Variants in MARCHF6 observed in about 807,000 individuals in gnomAD.
The protein encoded by MARCHF6 is E3 ubiquitin-protein ligase MARCHF6.
Under a neutral mutation model 133.7 loss-of-function variants are expected in MARCHF6, and 31 were observed. The ratio of observed to expected loss-of-function variants is 0.23; its 90% CI spans 0.17 to 0.31. The LOEUF (loss-of-function observed/expected upper bound fraction) is 0.31. Ranked by LOEUF, MARCHF6 falls within the 10% of genes least tolerant of loss-of-function variation. MARCHF6 has a pLI of 1.00. For missense variants in MARCHF6, 723 were observed against 1,121.6 expected (o/e 0.64, Z 5.08); for synonymous variants, 395 against 402.5 (o/e 0.98, Z 0.22).
intron 5 of MARCHF6, among the ~76,000 whole-genome samples, chr5:10,389,234 C>T (rs1023952158): frequency 1.3e-5 from 2 of 152,014 alleles, no homozygotes; most frequent in Admixed American, 6.6e-5. Context: ...AAAGATAAGC[C>T]TCTTAAGAAA....
At chr5:10,408,566 T>G (rs1189476726) in intron 17 of MARCHF6, among the ~76,000 whole-genome samples, 3 of 152,172 alleles carry the variant, frequency 2.0e-5, no homozygotes, top group African/African-American at 4.8e-5. Flanking sequence ...TGAGAAAGAG[T>G]CTCGCTCTGT....
Position 10,353,934 on chromosome 5 carries a change from C to T in MARCHF6, c.19+17C>T. On this transcript the variant is annotated intron_variant, in intron 1 of 25. Coordinates refer to ENST00000274140, the MANE Select transcript of MARCHF6 (RefSeq NM_005885.4). Reference sequence around the variant, plus strand: ...CGGAGGAAGGTAAGTCGGCGACGCGCGGCGCCCGAGCCCTTGCGTCGGCGC... The same window carrying T: ...CGGAGGAAGGTAAGTCGGCGACGCGTGGCGCCCGAGCCCTTGCGTCGGCGC... 6.5e-7 allele frequency: 1 copy of T among 1,548,256 alleles called. No homozygotes were observed. The highest frequency in any genetic ancestry group is 8.7e-7 in the Non-Finnish European group (1 of 1,152,084).
Position 10,426,882 on chromosome 5 carries a change from TC to T in MARCHF6, c.2506+361del, listed in dbSNP as rs573211590. The stretch of plus-strand genomic sequence containing the variant: ...TTGTATTTAAGTTTTAAAGAAATAT[TC>T]TTTGGCATAAAAGATCCAAAGAGGA... On this transcript the variant is annotated intron_variant, in intron 24 of 25. Coordinates refer to ENST00000274140, the MANE Select transcript of MARCHF6 (RefSeq NM_005885.4). Among the ~76,000 whole-genome samples, 8 of 152,348 alleles carry T rather than the reference TC, an allele frequency of 5.3e-5. No individual in the cohort carries two copies. The South Asian group carries it at 1.7e-3, about 32-fold the overall frequency.
intron 1 of MARCHF6, among the ~76,000 whole-genome samples, chr5:10,365,947 CTTTTTT>C (rs201239107): frequency 6.6e-6 from 1 of 150,784 alleles, no homozygotes; most frequent in Non-Finnish European, 1.5e-5. Flanking sequence ...CATATATATA[CTTTTTT>C]TTTGTTTTTT....
At chr5:10,429,259 T>C (rs1740247510) in intron 24 of MARCHF6, among the ~76,000 whole-genome samples, 1 of 152,136 alleles carries the variant, frequency 6.6e-6, no homozygotes, top group African/African-American at 2.4e-5. Context: ...AATAAATACA[T>C]GTGTGTTCTA....
chr5:10,378,683 A>G, intron 2 of MARCHF6, 76 bp from the exon 3 acceptor site: 1 of 931,452 alleles, frequency 1.1e-6, no homozygotes, highest in Non-Finnish European at 1.7e-6. Context: ...ATTTTTAATA[A>G]AAACAATGTT....
At chr5:10,362,829 T>G (rs1735909581) in intron 1 of MARCHF6, among the ~76,000 whole-genome samples, 1 of 152,228 alleles carries the variant, frequency 6.6e-6, no homozygotes, top group Admixed American at 6.5e-5. Context: ...AATTAACTGT[T>G]AAATTAAAAT....
chr5:10,370,755 AAG>A (rs1415248463), intron 1 of MARCHF6, among the ~76,000 whole-genome samples: 2 of 152,210 alleles, frequency 1.3e-5, no homozygotes, highest in Non-Finnish European at 2.9e-5. Context: ...TTCACAAAGA[AAG>A]AGAACTTGGT....
chr5:10,373,390 C>T (rs978916543), intron 1 of MARCHF6, among the ~76,000 whole-genome samples: 4 of 152,170 alleles, frequency 2.6e-5, no homozygotes, highest in African/African-American at 9.7e-5. Context: ...CACTTGGAGT[C>T]AGCAGTGCTT....
chr5:10,414,147 C>T (rs1739378195), intron 19 of MARCHF6, among the ~76,000 whole-genome samples: 2 of 143,668 alleles, frequency 1.4e-5, no homozygotes, highest in Admixed American at 1.4e-4. Context: ...GTTTTAATAA[C>T]AAGGGAAAAT....
At chr5:10,398,936 T>C (rs1375287446) in intron 10 of MARCHF6, among the ~76,000 whole-genome samples, 1 of 152,196 alleles carries the variant, frequency 6.6e-6, no homozygotes, top group African/African-American at 2.4e-5. Flanking sequence ...GGTTGCTCTG[T>C]TGGAAGTTTT....
chr5:10,435,170 T>C lies in MARCHF6; in HGVS notation c.*1486T>C, dbSNP rs1038524935. 1.3e-5 allele frequency: 2 copies of C among 152,642 alleles called. No homozygotes were observed. Among genetic ancestry groups the C allele is most frequent in the Non-Finnish European group, 2.9e-5 (2 of 68,034 alleles). 9.5% of individuals were successfully genotyped at this position (152,642 alleles called of 1,614,324 possible). A position where few individuals can be genotyped will look rare whatever the true frequency, so the allele number is the denominator to read the frequency against. On this transcript the variant is annotated 3_prime_UTR_variant, in exon 26 of 26. Coordinates refer to ENST00000274140, the MANE Select transcript of MARCHF6 (RefSeq NM_005885.4). ...TAAAATCTGAGAATTTTTTAACATA[T>C]GCAAGTCAGCCAAACATAAGCTACC...
chr5:10,392,395 G>C (rs1034008659), intron 7 of MARCHF6, among the ~76,000 whole-genome samples: 7 of 152,188 alleles, frequency 4.6e-5, no homozygotes, highest in Admixed American at 4.6e-4. Context: ...CCTTGAGTCA[G>C]TGCAATTTCT....
At chr5:10,377,681 G>A (rs541152115) in intron 1 of MARCHF6, 117 bp from the exon 2 acceptor site, 9 of 633,736 alleles carry the variant, frequency 1.4e-5, no homozygotes, top group Middle Eastern at 8.2e-4. Context: ...TACTATTAAT[G>A]TTTTGTCAAG....
At chr5:10,431,321 G>A (rs1283929290) in intron 25 of MARCHF6, among the ~76,000 whole-genome samples, 2 of 152,140 alleles carry the variant, frequency 1.3e-5, no homozygotes, top group Non-Finnish European at 2.9e-5. Context: ...AGAATGACAA[G>A]CAAGACGTGC....
At chr5:10,370,745 T>C (rs1394793821) in intron 1 of MARCHF6, among the ~76,000 whole-genome samples, 1 of 152,154 alleles carries the variant, frequency 6.6e-6, no homozygotes, top group African/African-American at 2.4e-5. Context: ...GAACAGATAG[T>C]TCACAAAGAA....
intron 1 of MARCHF6, among the ~76,000 whole-genome samples, chr5:10,364,229 T>C (rs1735991914): frequency 6.6e-6 from 1 of 152,212 alleles, no homozygotes; most frequent in South Asian, 2.1e-4. Flanking sequence ...AATTTTCATA[T>C]ACTGCTGGTG....
At chr5:10,412,791 T>C (rs1739304534) in intron 19 of MARCHF6, among the ~76,000 whole-genome samples, 1 of 152,160 alleles carries the variant, frequency 6.6e-6, no homozygotes, top group South Asian at 2.1e-4. Flanking sequence ...GCCCAGGCTG[T>C]TCTCAAACTC....
chr5:10,356,258 G>A (rs1404814374), intron 1 of MARCHF6, among the ~76,000 whole-genome samples: 1 of 151,112 alleles, frequency 6.6e-6, no homozygotes, highest in Non-Finnish European at 1.5e-5. Context: ...GATATTCAAA[G>A]TATGGCCAAA....
Sources: gnomAD v4.1 joint callset for allele counts (sites outside exome capture counted in the v4.1 genomes callset) on GRCh38, gnomAD v4.1.1 for gene constraint, MANE v1.5 for transcripts, NCBI Gene and HGNC (gene_info 2026-07-23, HGNC 2026-07-21) for gene names.